The following AJAP1 variants were observed in gnomAD, a reference collection of about 807,000 sequenced individuals.
The protein encoded by AJAP1 is adherens junction-associated protein 1.
Under a neutral mutation model 35.0 loss-of-function variants are expected in AJAP1, and 5 were observed. The observed-to-expected ratio is 0.14, with a 90% confidence interval of 0.07 to 0.30. AJAP1 has a LOEUF of 0.30. Ranked by LOEUF, AJAP1 falls within the 10% of genes least tolerant of loss-of-function variation. The pLI is 1.00. For missense variants in AJAP1, 586 were observed against 571.0 expected (o/e 1.03, Z -0.27); for synonymous variants, 284 against 249.3 (o/e 1.14, Z -1.31).
At chr1:4,773,701 C>T (rs1641887714) in intron 4 of AJAP1, among the ~76,000 whole-genome samples, 1 of 152,212 alleles carries the variant, frequency 6.6e-6, no homozygotes, top group East Asian at 1.9e-4. Flanking sequence ...AACAGATTTC[C>T]AAACTGTTTC....
intron 2 of AJAP1, among the ~76,000 whole-genome samples, chr1:4,764,174 C>A (rs1397257585): frequency 6.6e-6 from 1 of 152,072 alleles, no homozygotes; most frequent in East Asian, 1.9e-4. Flanking sequence ...TCTTATAGAT[C>A]TCTCTATATT....
chr1:4,670,303 A>C (rs1639224343), intron 1 of AJAP1, among the ~76,000 whole-genome samples: 2 of 152,210 alleles, frequency 1.3e-5, no homozygotes, highest in African/African-American at 2.4e-5. Flanking sequence ...TCAGCTCTGC[A>C]CTAAAGAGGA....
At chr1:4,716,712 AT>A (rs1236060686) in intron 2 of AJAP1, among the ~76,000 whole-genome samples, 13 of 137,788 alleles carry the variant, frequency 9.4e-5, no homozygotes, top group African/African-American at 4.2e-4. Context: ...TGATAGAGAG[AT>A]GATGATGATG....
At chr1:4,724,421 C>A (rs1640602036) in intron 2 of AJAP1, among the ~76,000 whole-genome samples, 2 of 152,156 alleles carry the variant, frequency 1.3e-5, no homozygotes, top group Admixed American at 1.3e-4. Context: ...GCATTCCCAC[C>A]CCTCTTTTCT....
chr1:4,713,117 G>A (rs954106421), intron 2 of AJAP1, among the ~76,000 whole-genome samples: 5 of 152,114 alleles, frequency 3.3e-5, no homozygotes, highest in African/African-American at 7.2e-5. Context: ...GGATCCCCCC[G>A]CCCCAGAGTC....
At chr1:4,694,695 G>T (rs1315011912) in intron 1 of AJAP1, among the ~76,000 whole-genome samples, 1 of 152,244 alleles carries the variant, frequency 6.6e-6, no homozygotes, top group Non-Finnish European at 1.5e-5. Flanking sequence ...TGGGGTGAAG[G>T]ATGAGAAGTG....
At chr1:4,741,340 G>A (rs961139436) in intron 2 of AJAP1, among the ~76,000 whole-genome samples, 1 of 152,144 alleles carries the variant, frequency 6.6e-6, no homozygotes, top group South Asian at 2.1e-4. Flanking sequence ...GCTCCCTCTG[G>A]AGGTTCCAGG....
chr1:4,659,500 G>A (rs747233468), intron 1 of AJAP1, among the ~76,000 whole-genome samples: 2 of 152,142 alleles, frequency 1.3e-5, no homozygotes, highest in African/African-American at 4.8e-5. Context: ...GGGAGTGGTG[G>A]TGGTTACATA....
chr1:4,708,169 T>G (rs372850515), intron 1 of AJAP1, among the ~76,000 whole-genome samples: 5 of 152,026 alleles, frequency 3.3e-5, no homozygotes, highest in African/African-American at 1.2e-4. Flanking sequence ...GGTTTCACCA[T>G]GTTGTGCAGG....
chr1:4,691,803 A>G (rs1169727953), intron 1 of AJAP1, among the ~76,000 whole-genome samples: 1 of 152,100 alleles, frequency 6.6e-6, no homozygotes, highest in Non-Finnish European at 1.5e-5. Flanking sequence ...GTGGGGGACA[A>G]GCGCTCAGAG....
rs1052994479 is a variant in AJAP1 at position 4,738,967 on chromosome 1, G to A, written c.829+26268G>A. On this transcript the variant is annotated intron_variant, in intron 2 of 5. Transcript: ENST00000378191. Reference sequence around the variant, plus strand: ...GAGAAGGAGGTGGGAAGGGCGTGGGGGCACATCTGGGGGTTTGGACACCAA... The same window carrying A: ...GAGAAGGAGGTGGGAAGGGCGTGGGAGCACATCTGGGGGTTTGGACACCAA... 6.6e-5 allele frequency among the ~76,000 whole-genome samples: 10 copies of A among 152,052 alleles called. 1 individual carries two copies. The highest frequency in any genetic ancestry group is 1.3e-4 in the Non-Finnish European group (9 of 68,008).
chr1:4,683,593 G>A (rs555547122), intron 1 of AJAP1, among the ~76,000 whole-genome samples: 8 of 152,326 alleles, frequency 5.3e-5, no homozygotes, highest in African/African-American at 1.7e-4. Context: ...GAATTTCTAC[G>A]GGTTTTAGGA....
chr1:4,733,916 A>G (rs1029561673), intron 2 of AJAP1, among the ~76,000 whole-genome samples: 10 of 152,078 alleles, frequency 6.6e-5, no homozygotes, highest in Non-Finnish European at 1.3e-4. Context: ...CTAGGGCAAG[A>G]TGCCCTTATG....
At chr1:4,696,155 G>A (rs7518359) in intron 1 of AJAP1, among the ~76,000 whole-genome samples, 168 of 150,308 alleles carry the variant, frequency 1.1e-3, no homozygotes, top group Non-Finnish European at 1.7e-3. Flanking sequence ...TTGGGTTGAG[G>A]GGGGGAGCAG....
intron 2 of AJAP1, among the ~76,000 whole-genome samples, chr1:4,764,137 C>A (rs1001603298): frequency 6.6e-6 from 1 of 152,160 alleles, no homozygotes; most frequent in African/African-American, 2.4e-5. Flanking sequence ...TTCATAATCA[C>A]ATGAGCCAAT....
At chr1:4,767,030 C>T (rs186292632) in intron 2 of AJAP1, among the ~76,000 whole-genome samples, 11 of 152,188 alleles carry the variant, frequency 7.2e-5, no homozygotes, top group African/African-American at 2.2e-4. Flanking sequence ...CCATAATGCA[C>T]CCTTCACGTT....
At chr1:4,727,403 T>C (rs555446925) in intron 2 of AJAP1, among the ~76,000 whole-genome samples, 96 of 152,312 alleles carry the variant, frequency 6.3e-4, no homozygotes, top group Non-Finnish European at 1.2e-3. Flanking sequence ...AGAAAGCTAA[T>C]GTCTCCCTTA....
rs568445773 is a variant in AJAP1, at chr1:4,671,944, A to C, written c.29+16490A>C. ...CAGTAGGAGCAGACTTTCAAAAAGG[A>C]AAGCTGTGAGGCACACTGTTCTCCT... On this transcript the variant is annotated intron_variant, in intron 1 of 5. Coordinates refer to ENST00000378191, the MANE Select transcript of AJAP1 (RefSeq NM_018836.4). Among the ~76,000 whole-genome samples, 3 of 152,274 alleles carry C rather than the reference A, an allele frequency of 2.0e-5. No homozygotes were observed. The East Asian group carries it at 5.8e-4, about 30-fold the overall frequency.
At chr1:4,695,487 C>T (rs868638189) in intron 1 of AJAP1, among the ~76,000 whole-genome samples, 1 of 152,304 alleles carries the variant, frequency 6.6e-6, no homozygotes, top group Middle Eastern at 3.4e-3. Flanking sequence ...AGCCATGAGG[C>T]TCCAGGGGAG....
Sources: gnomAD v4.1 joint callset for allele counts (sites outside exome capture counted in the v4.1 genomes callset) on GRCh38, gnomAD v4.1.1 for gene constraint, MANE v1.5 for transcripts, NCBI Gene and HGNC (gene_info 2026-07-23, HGNC 2026-07-21) for gene names.